SNTG2: variants seen among roughly 807,000 people sequenced by gnomAD.
The protein encoded by SNTG2 is gamma-2-syntrophin.
In SNTG2, 74 loss-of-function variants were observed where a neutral mutation model predicts 70.9. The observed-to-expected ratio is 1.04, with a 90% confidence interval of 0.86 to 1.27. The LOEUF (loss-of-function observed/expected upper bound fraction) is 1.27. SNTG2 is among the 50% of genes most tolerant of loss of function. The pLI is 0.00. For synonymous variants in SNTG2, 278 were observed against 273.8 expected (o/e 1.02, Z -0.15); for missense variants, 717 against 690.7 (o/e 1.04, Z -0.43).
chr2:1,062,972 A>G (rs1489993446), intron 1 of SNTG2, among the ~76,000 whole-genome samples: 1 of 152,180 alleles, frequency 6.6e-6, no homozygotes, highest in Non-Finnish European at 1.5e-5. Context: ...TAAAAGATCT[A>G]CCACATTGTA....
chr2:1,054,514 C>T (rs1320598588), intron 1 of SNTG2, among the ~76,000 whole-genome samples: 1 of 152,168 alleles, frequency 6.6e-6, no homozygotes, highest in African/African-American at 2.4e-5. Context: ...TTTTGTCACT[C>T]TTCCTAGCAG....
At chr2:1,301,235 T>C (rs1399714787) in intron 14 of SNTG2, among the ~76,000 whole-genome samples, 1 of 151,990 alleles carries the variant, frequency 6.6e-6, no homozygotes, top group Non-Finnish European at 1.5e-5. Flanking sequence ...CCTTACTTAG[T>C]TTGAGGGAGA....
At chr2:1,248,836 T>C (rs1014592330) in intron 12 of SNTG2, among the ~76,000 whole-genome samples, 2 of 152,220 alleles carry the variant, frequency 1.3e-5, no homozygotes, top group African/African-American at 4.8e-5. Context: ...ATGTGTTACC[T>C]GTGTGGCCTG....
intron 2 of SNTG2, among the ~76,000 whole-genome samples, chr2:1,096,800 T>G (rs1377571836): frequency 6.6e-6 from 1 of 152,208 alleles, no homozygotes; most frequent in Admixed American, 6.5e-5. Flanking sequence ...AGCCTGTTAC[T>G]CTGTCCATTG....
intron 1 of SNTG2, among the ~76,000 whole-genome samples, chr2:989,080 A>G (rs1028013032): frequency 6.6e-6 from 1 of 151,964 alleles, no homozygotes; most frequent in African/African-American, 2.4e-5. Context: ...TACTTTCTTT[A>G]TATCTTGTGA....
At chr2:1,358,070 G>C (rs910040601) in intron 16 of SNTG2, among the ~76,000 whole-genome samples, 7 of 151,836 alleles carry the variant, frequency 4.6e-5, no homozygotes, top group Non-Finnish European at 7.4e-5. Context: ...CTTTTTTTCT[G>C]TGCCCTCACA....
chr2:1,188,719 G>A (rs1337735759), intron 8 of SNTG2, among the ~76,000 whole-genome samples: 1 of 152,090 alleles, frequency 6.6e-6, no homozygotes, highest in Non-Finnish European at 1.5e-5. Context: ...TTAATCTACT[G>A]TCTCCTTTTG....
At chr2:1,055,388 A>G (rs973715852) in intron 1 of SNTG2, among the ~76,000 whole-genome samples, 8 of 152,204 alleles carry the variant, frequency 5.3e-5, no homozygotes, top group Non-Finnish European at 1.0e-4. Flanking sequence ...GAGCCCACAC[A>G]GAAAGAATGC....
At chr2:1,122,481 A>G (rs1241934187) in intron 4 of SNTG2, among the ~76,000 whole-genome samples, 1 of 152,216 alleles carries the variant, frequency 6.6e-6, no homozygotes, top group African/African-American at 2.4e-5. Context: ...GTGACACATC[A>G]CATTAACAGA....
intron 8 of SNTG2, among the ~76,000 whole-genome samples, 195 bp from the exon 9 acceptor site, chr2:1,208,908 C>T (rs998612190): frequency 2.6e-5 from 4 of 152,132 alleles, no homozygotes; most frequent in African/African-American, 7.2e-5. Flanking sequence ...TGGAAAACAG[C>T]GGGAGAAAAT....
intron 1 of SNTG2, among the ~76,000 whole-genome samples, chr2:1,057,030 G>A (rs1385516123): frequency 6.6e-6 from 1 of 152,004 alleles, no homozygotes; most frequent in South Asian, 2.1e-4. Context: ...GTGCTGCGGG[G>A]AACGATGCAT....
intron 9 of SNTG2, among the ~76,000 whole-genome samples, chr2:1,231,277 C>T (rs1371046270): frequency 6.6e-5 from 10 of 151,526 alleles, no homozygotes; most frequent in African/African-American, 1.9e-4. Context: ...GAAATAGATC[C>T]AAAAGGTGAA....
At chr2:1,354,082 CTG>C (rs750425020) in intron 16 of SNTG2, among the ~76,000 whole-genome samples, 23 of 152,224 alleles carry the variant, frequency 1.5e-4, no homozygotes, top group Non-Finnish European at 2.6e-4. Context: ...CTGTTGAAAA[CTG>C]TGCCAAGATG....
At chr2:1,115,800 A>T (rs573269874) in intron 4 of SNTG2, among the ~76,000 whole-genome samples, 52 of 152,352 alleles carry the variant, frequency 3.4e-4, no homozygotes, top group African/African-American at 1.2e-3. Flanking sequence ...TTTGAGGAGG[A>T]TAAGAAGAGT....
chr2:1,320,810 G>T (rs373778525), intron 16 of SNTG2, among the ~76,000 whole-genome samples: 2 of 152,094 alleles, frequency 1.3e-5, no homozygotes, highest in Non-Finnish European at 2.9e-5. Flanking sequence ...ATAGCTTGGC[G>T]CTCACTGCAC....
chr2:1,062,007 G>A (rs912709835), intron 1 of SNTG2, among the ~76,000 whole-genome samples: 2 of 152,072 alleles, frequency 1.3e-5, no homozygotes, highest in African/African-American at 2.4e-5. Context: ...CAGAAAAATG[G>A]AATTAGACAT....
At chr2:1,117,538 C>T (rs1048534093) in intron 4 of SNTG2, among the ~76,000 whole-genome samples, 6 of 152,164 alleles carry the variant, frequency 3.9e-5, no homozygotes, top group East Asian at 1.9e-4. Flanking sequence ...GGAGCCCTCA[C>T]GGAGTCCTGT....
intron 1 of SNTG2, among the ~76,000 whole-genome samples, chr2:1,074,499 T>A (rs190203023): frequency 6.6e-6 from 1 of 152,172 alleles, no homozygotes; most frequent in Admixed American, 6.5e-5. Flanking sequence ...GAGGGAGAAT[T>A]TTCCTAAGTT....
intron 12 of SNTG2, chr2:1,256,289 T>A (rs1341610552): frequency 6.6e-6 from 1 of 152,102 alleles, no homozygotes; most frequent in Non-Finnish European, 1.5e-5. Flanking sequence ...CGTGACGTGG[T>A]GCATGACTGT....
Sources: allele counts gnomAD v4.1 joint callset (sites outside exome capture counted in the v4.1 genomes callset), GRCh38; gene constraint gnomAD v4.1.1; transcripts MANE v1.5; gene names NCBI Gene and HGNC (gene_info 2026-07-23, HGNC 2026-07-21).